The following TMEM117 variants were observed in gnomAD, a reference collection of about 807,000 sequenced individuals.
TMEM117 encodes transmembrane protein 117.
A neutral mutation model predicts 52.4 loss-of-function variants in TMEM117; 27 were observed. That is an observed-to-expected ratio of 0.51 (90% confidence interval 0.38 to 0.71). The LOEUF (loss-of-function observed/expected upper bound fraction) is 0.71, where lower values mean the gene tolerates loss of function less well. Among genes scored for constraint, TMEM117 ranks in the 30% least tolerant of loss-of-function variants. The pLI, the probability that TMEM117 is intolerant of heterozygous loss-of-function variation, is 0.00. For missense variants in TMEM117, 556 were observed against 630.5 expected (o/e 0.88, Z 1.26); for synonymous variants, 215 against 206.3 (o/e 1.04, Z -0.36).
chr12:44,181,532 A>G (rs1949199059), intron 4 of TMEM117, among the ~76,000 whole-genome samples: 1 of 150,344 alleles, frequency 6.7e-6, no homozygotes, highest in East Asian at 1.9e-4. Flanking sequence ...ATTTTTGTAT[A>G]AGGTGTAAGG....
intron 3 of TMEM117, chr12:44,008,972 T>TTA (rs915046627): frequency 2.7e-6 from 1 of 374,616 alleles, no homozygotes; most frequent in African/African-American, 2.2e-5. Context: ...TTGGTGACGC[T>TTA]TATAGGTCTT....
intron 6 of TMEM117, among the ~76,000 whole-genome samples, chr12:44,308,820 C>T (rs1286979919): frequency 6.6e-6 from 1 of 151,980 alleles, no homozygotes; most frequent in Non-Finnish European, 1.5e-5. Flanking sequence ...GGGGTTTCAC[C>T]GTGTTAGTCA....
At chr12:44,141,249 T>C (rs79905759) in intron 3 of TMEM117, among the ~76,000 whole-genome samples, 17,195 of 152,156 alleles carry the variant, frequency 0.11, 1,197 homozygotes, top group East Asian at 0.24. Flanking sequence ...TAAAAAACTT[T>C]TAAGTTCAGG....
chr12:44,001,687 G>C (rs1401293151), intron 3 of TMEM117, among the ~76,000 whole-genome samples: 2 of 151,964 alleles, frequency 1.3e-5, no homozygotes, highest in Non-Finnish European at 2.9e-5. Context: ...ATGTGAGCTG[G>C]AACAGAGGAG....
At chr12:44,056,988 T>G (rs1431395426) in intron 3 of TMEM117, among the ~76,000 whole-genome samples, 1 of 152,148 alleles carries the variant, frequency 6.6e-6, no homozygotes, top group Non-Finnish European at 1.5e-5. Flanking sequence ...GTCTCATGCC[T>G]TTGAGTTGTC....
chr12:43,805,445 C>A, the TMEM117 span: 2 of 424,322 alleles, frequency 4.7e-6, no homozygotes, highest in Non-Finnish European at 4.8e-6. Flanking sequence ...ACAGTAAGAG[C>A]TTGAGTTTAC....
At chr12:44,246,211 A>G (rs574561220) in intron 5 of TMEM117, among the ~76,000 whole-genome samples, 1 of 152,292 alleles carries the variant, frequency 6.6e-6, no homozygotes, top group South Asian at 2.1e-4. Flanking sequence ...ATTTTGATAT[A>G]TGTTTGTAAA....
chr12:43,971,886 C>T (rs999937467), intron 3 of TMEM117, among the ~76,000 whole-genome samples: 3 of 152,200 alleles, frequency 2.0e-5, no homozygotes, highest in African/African-American at 7.2e-5. Context: ...ACCTTATACT[C>T]ATTGATTAGT....
At chr12:43,999,841 T>C (rs764870470) in intron 3 of TMEM117, among the ~76,000 whole-genome samples, 13 of 152,172 alleles carry the variant, frequency 8.5e-5, no homozygotes, top group Admixed American at 7.2e-4. Flanking sequence ...TTAATATTAG[T>C]TATTTCCAGA....
intron 4 of TMEM117, among the ~76,000 whole-genome samples, chr12:44,210,772 G>C (rs1949635369): frequency 6.6e-6 from 1 of 152,114 alleles, no homozygotes; most frequent in African/African-American, 2.4e-5. Context: ...AACATTTTTA[G>C]ATGAAGGCAC....
At chr12:44,335,094 A>T (rs1025165993) in intron 6 of TMEM117, among the ~76,000 whole-genome samples, 3 of 152,014 alleles carry the variant, frequency 2.0e-5, no homozygotes, top group Non-Finnish European at 4.4e-5. Flanking sequence ...TATTGGGAGC[A>T]CTGTAGGTGA....
downstream of TMEM117, among the ~76,000 whole-genome samples, chr12:44,392,031 T>C (rs2138883796): frequency 6.6e-6 from 1 of 152,262 alleles, no homozygotes; most frequent in Admixed American, 6.5e-5. Flanking sequence ...CTTTCCTCAT[T>C]TATCCCCATT....
chr12:44,309,326 C>T (rs183575828), intron 6 of TMEM117, among the ~76,000 whole-genome samples: 146 of 152,280 alleles, frequency 9.6e-4, no homozygotes, highest in African/African-American at 3.1e-3. Flanking sequence ...CCCACTACCC[C>T]AACGGGCAGT....
chr12:44,253,565 A>T (rs920445059), intron 5 of TMEM117, among the ~76,000 whole-genome samples: 7 of 152,104 alleles, frequency 4.6e-5, no homozygotes, highest in African/African-American at 1.7e-4. Flanking sequence ...CCACAGCCAA[A>T]TCTAGAGATT....
At chr12:44,150,533 A>G (rs886164077) in intron 4 of TMEM117, among the ~76,000 whole-genome samples, 1 of 152,162 alleles carries the variant, frequency 6.6e-6, no homozygotes, top group African/African-American at 2.4e-5. Flanking sequence ...AATTAATAAT[A>G]ATCAGTTTGT....
At chr12:44,097,343 G>C (rs1355216434) in intron 3 of TMEM117, among the ~76,000 whole-genome samples, 3 of 152,062 alleles carry the variant, frequency 2.0e-5, no homozygotes, top group Admixed American at 6.6e-5. Flanking sequence ...AATACCATTT[G>C]ACCCAGCCAT....
intron 6 of TMEM117, among the ~76,000 whole-genome samples, chr12:44,374,650 G>GTGTGTA (rs764181613): frequency 6.9e-6 from 1 of 144,214 alleles, no homozygotes; most frequent in Non-Finnish European, 1.6e-5. Flanking sequence ...GTGTGTGTGT[G>GTGTGTA]TGTGTATGTG....
At chr12:44,391,724 G>T (rs116743103), downstream of TMEM117, among the ~76,000 whole-genome samples, 2,257 of 152,222 alleles carry the variant, frequency 0.015, 59 homozygotes, top group African/African-American at 0.052. Context: ...TGATAATTCA[G>T]GAGGCCAACT....
chr12:43,876,923 A>T (rs967829630), intron 2 of TMEM117, among the ~76,000 whole-genome samples: 1 of 152,090 alleles, frequency 6.6e-6, no homozygotes, highest in Non-Finnish European at 1.5e-5. Context: ...CATGTAATTA[A>T]TTTTTCTTAT....
Sources: allele counts gnomAD v4.1 joint callset (sites outside exome capture counted in the v4.1 genomes callset), GRCh38; gene constraint gnomAD v4.1.1; transcripts MANE v1.5; gene names NCBI Gene and HGNC (gene_info 2026-07-23, HGNC 2026-07-21).